NEGR1: variants seen among roughly 807,000 people sequenced by gnomAD.
NEGR1 encodes IgLON family member 4.
NEGR1 carries 10 observed loss-of-function variants against 40.9 expected under a neutral mutation model. The observed-to-expected ratio is 0.24, with a 90% CI of 0.15 to 0.42. The LOEUF is 0.42. Among genes scored for constraint, NEGR1 ranks in the 10% least tolerant of loss-of-function variants. The probability of loss-of-function intolerance (pLI) is 1.00; values close to 1 mark genes in which losing one functional copy is unlikely to be tolerated. For synonymous variants in NEGR1, 185 were observed against 166.8 expected, an observed-to-expected ratio of 1.11 and a Z score of -0.84; for missense variants, 352 against 438.9, an observed-to-expected ratio of 0.80 and a Z score of 1.77.
intron 4 of NEGR1, among the ~76,000 whole-genome samples, chr1:71,659,072 A>G (rs116740145): frequency 0.011 from 1,641 of 152,298 alleles, 9 homozygotes; most frequent in Non-Finnish European, 0.017. Flanking sequence ...GTTGAGGTAG[A>G]AAGACTTTTA....
intron 1 of NEGR1, among the ~76,000 whole-genome samples, chr1:72,063,460 T>C (rs1413705503): frequency 6.6e-6 from 1 of 151,880 alleles, no homozygotes; most frequent in Non-Finnish European, 1.5e-5. Flanking sequence ...GCACAAGTAA[T>C]TGCGTTTTTG....
At chr1:71,549,271 G>A (rs1647997760) in intron 6 of NEGR1, among the ~76,000 whole-genome samples, 1 of 151,660 alleles carries the variant, frequency 6.6e-6, no homozygotes, top group Non-Finnish European at 1.5e-5. Flanking sequence ...TTATTACCAT[G>A]CTACACGCAT....
intron 3 of NEGR1, among the ~76,000 whole-genome samples, chr1:71,721,149 C>A (rs926305731): frequency 6.6e-6 from 1 of 152,100 alleles, no homozygotes; most frequent in Non-Finnish European, 1.5e-5. Context: ...TAATTTTAGT[C>A]TTAACACTTG....
chr1:71,988,545 C>CAAAAAAAAAAAAAAAAAAAAA (rs1197884975), intron 1 of NEGR1, among the ~76,000 whole-genome samples: 1 of 39,756 alleles, frequency 2.5e-5, no homozygotes. Flanking sequence ...GACTCCGTCT[C>CAAAAAAAAAAAAAAAAAAAAA]AAAAAAAAAA....
intron 3 of NEGR1, among the ~76,000 whole-genome samples, chr1:71,720,846 T>C (rs1032529444): frequency 6.6e-6 from 1 of 152,188 alleles, no homozygotes; most frequent in Non-Finnish European, 1.5e-5. Context: ...GCATTATTTA[T>C]GATCCTTGCT....
At chr1:71,774,156 C>A (rs966845956) in intron 3 of NEGR1, among the ~76,000 whole-genome samples, 9 of 152,044 alleles carry the variant, frequency 5.9e-5, no homozygotes, top group African/African-American at 2.2e-4. Flanking sequence ...TATTATCATG[C>A]AATTTTTGAA....
At chr1:72,010,911 G>T (rs2100401099) in intron 1 of NEGR1, among the ~76,000 whole-genome samples, 1 of 152,168 alleles carries the variant, frequency 6.6e-6, no homozygotes, top group East Asian at 1.9e-4. Flanking sequence ...AGCCTTCACT[G>T]TTATCTTCAA....
In NEGR1 at chr1:71,625,757, C is replaced by A. The variant is rs139839856; in HGVS notation, c.668-14611G>T. On this transcript the variant is annotated intron_variant, in intron 4 of 6. Coordinates refer to ENST00000357731, the MANE Select transcript of NEGR1 (RefSeq NM_173808.3). ...CGTCCCCAAGCCCCAGGCCATGGAC[C>A]ACTGCTGGACATATCGTGTGCCTCT... Among the ~76,000 whole-genome samples the A allele has an allele frequency of 1.7e-3, 256 of 151,878 alleles. 1 individual carries two copies. The South Asian group carries it at 0.028, about 17-fold the overall frequency.
At chr1:71,695,566 C>A (rs1388825764) in intron 4 of NEGR1, among the ~76,000 whole-genome samples, 2 of 151,754 alleles carry the variant, frequency 1.3e-5, no homozygotes, top group African/African-American at 4.8e-5. Flanking sequence ...TTAACAAAGT[C>A]TTATTCTCTA....
At chr1:71,780,836 T>C (rs1322239419) in intron 2 of NEGR1, among the ~76,000 whole-genome samples, 3 of 152,198 alleles carry the variant, frequency 2.0e-5, no homozygotes, top group South Asian at 2.1e-4. Flanking sequence ...CACCAAAAAA[T>C]GTAGGCAATT....
At chr1:71,683,059 T>C (rs1162098598) in intron 4 of NEGR1, among the ~76,000 whole-genome samples, 2 of 152,162 alleles carry the variant, frequency 1.3e-5, no homozygotes, top group Non-Finnish European at 2.9e-5. Context: ...GATTCCTTTA[T>C]AGAAACTCAA....
intron 1 of NEGR1, among the ~76,000 whole-genome samples, chr1:72,131,687 T>A (rs1352951015): frequency 1.3e-5 from 2 of 152,216 alleles, no homozygotes; most frequent in African/African-American, 2.4e-5. Context: ...GATAACCTTA[T>A]AATGTTAAAT....
chr1:72,247,649 C>T (rs1267109168), intron 1 of NEGR1, among the ~76,000 whole-genome samples: 3 of 152,178 alleles, frequency 2.0e-5, no homozygotes, highest in African/African-American at 7.2e-5. Context: ...TTGGTCATAA[C>T]CATGTAACAA....
intron 1 of NEGR1, among the ~76,000 whole-genome samples, chr1:72,257,460 CTTA>C (rs1655312661): frequency 6.6e-6 from 1 of 151,446 alleles, no homozygotes; most frequent in South Asian, 2.1e-4. Context: ...AAAATGGTAG[CTTA>C]TTATTGTCAT....
intron 1 of NEGR1, among the ~76,000 whole-genome samples, chr1:72,182,778 GTATATA>G (rs10546486): frequency 6.6e-4 from 97 of 146,832 alleles, no homozygotes; most frequent in African/African-American, 2.3e-3. Context: ...GTGTGCGTGT[GTATATA>G]TATATATATA....
chr1:72,118,460 C>T (rs1404071400), intron 1 of NEGR1, among the ~76,000 whole-genome samples: 1 of 151,752 alleles, frequency 6.6e-6, no homozygotes, highest in Non-Finnish European at 1.5e-5. Context: ...ATACTTTATT[C>T]ATTTGGGTTG....
chr1:71,616,951 A>G (rs1050230638), intron 4 of NEGR1, among the ~76,000 whole-genome samples: 1 of 152,240 alleles, frequency 6.6e-6, no homozygotes, highest in African/African-American at 2.4e-5. Flanking sequence ...CCCACTTTGT[A>G]TAATGTGTGG....
intron 6 of NEGR1, among the ~76,000 whole-genome samples, chr1:71,506,372 C>T (rs938107006): frequency 2.0e-5 from 3 of 152,090 alleles, no homozygotes; most frequent in Non-Finnish European, 2.9e-5. Flanking sequence ...CAACCTGTTA[C>T]TTTTGTCTCC....
intron 1 of NEGR1, among the ~76,000 whole-genome samples, chr1:72,071,132 G>T (rs1647446482): frequency 6.6e-6 from 1 of 151,790 alleles, no homozygotes; most frequent in East Asian, 1.9e-4. Flanking sequence ...TAGAACCACA[G>T]GCATATCTGA....
Sources: gnomAD v4.1 joint callset for allele counts (sites outside exome capture counted in the v4.1 genomes callset) on GRCh38, gnomAD v4.1.1 for gene constraint, MANE v1.5 for transcripts, NCBI Gene and HGNC (gene_info 2026-07-23, HGNC 2026-07-21) for gene names.